SH3RF3: variants seen among roughly 807,000 people sequenced by gnomAD.
SH3RF3 encodes the protein SH3 domain containing ring finger 3.
A neutral mutation model predicts 66.3 loss-of-function variants in SH3RF3; 29 were observed. The observed-to-expected ratio is 0.44, with a 90% CI of 0.33 to 0.60. The LOEUF (loss-of-function observed/expected upper bound fraction) is 0.60, where lower values mean the gene tolerates loss of function less well. SH3RF3 is among the 20% of genes least tolerant of loss of function. The pLI is 0.04. For synonymous variants in SH3RF3, 583 were observed against 532.0 expected, an observed-to-expected ratio of 1.10 and a Z score of -1.32; for missense variants, 1,194 against 1,190.9, an observed-to-expected ratio of 1.00 and a Z score of -0.04.
At chr2:109,452,890 A>AGGAGGCTGGTCCCG (rs1193354148) in intron 8 of SH3RF3, among the ~76,000 whole-genome samples, 1 of 94,686 alleles carries the variant, frequency 1.1e-5, no homozygotes, top group Admixed American at 1.0e-4. Context: ...GGCTGGTCCC[A>AGGAGGCTGGTCCCG]GGAGGCTGGT....
chr2:109,494,587 G>A (rs191462696), intron 9 of SH3RF3, among the ~76,000 whole-genome samples: 26 of 152,302 alleles, frequency 1.7e-4, no homozygotes, highest in African/African-American at 6.0e-4. Flanking sequence ...CTGCTGGGCT[G>A]CGCCCTGTGC....
intron 4 of SH3RF3, among the ~76,000 whole-genome samples, chr2:109,400,499 A>G (rs1460051335): frequency 6.6e-6 from 1 of 152,028 alleles, no homozygotes; most frequent in East Asian, 1.9e-4. Context: ...AGGTGCATTT[A>G]CACATACACC....
intron 1 of SH3RF3, chr2:109,251,302 C>T (rs568037228): frequency 2.0e-5 from 8 of 404,510 alleles, no homozygotes; most frequent in South Asian, 8.7e-5. Flanking sequence ...CCACCATGCC[C>T]GGCCCAAATT....
chr2:109,194,806 A>G (rs1678457626), intron 1 of SH3RF3, among the ~76,000 whole-genome samples: 1 of 152,256 alleles, frequency 6.6e-6, no homozygotes, highest in South Asian at 2.1e-4. Flanking sequence ...CAAAATTCAC[A>G]GGACGAAAAG....
intron 5 of SH3RF3, among the ~76,000 whole-genome samples, chr2:109,428,903 C>T (rs532562487): frequency 1.3e-5 from 2 of 152,070 alleles, no homozygotes; most frequent in Admixed American, 1.3e-4. Flanking sequence ...AGGTGCTGCC[C>T]GGTTCTCCCT....
chr2:109,133,892 T>A (rs1676756138), intron 1 of SH3RF3, among the ~76,000 whole-genome samples: 1 of 152,196 alleles, frequency 6.6e-6, no homozygotes, highest in African/African-American at 2.4e-5. Flanking sequence ...GGCCCAGCCT[T>A]GCCAGGCTGT....
intron 1 of SH3RF3, among the ~76,000 whole-genome samples, chr2:109,276,620 A>G (rs1056700403): frequency 6.6e-6 from 1 of 152,226 alleles, no homozygotes; most frequent in African/African-American, 2.4e-5. Flanking sequence ...TTGTTTTGCC[A>G]TGGTGCTTTG....
intron 1 of SH3RF3, among the ~76,000 whole-genome samples, chr2:109,167,564 T>G (rs1478157625): frequency 6.6e-6 from 1 of 152,152 alleles, no homozygotes; most frequent in Non-Finnish European, 1.5e-5. Flanking sequence ...TTTATTTAAT[T>G]CATTTATTTA....
At position 109,432,481 on chromosome 2, in the gene SH3RF3, G is replaced by T; in HGVS notation, c.1404-20G>T. 2.5e-6 allele frequency: 4 copies of T among 1,612,138 alleles called. No individual in the cohort carries two copies. The highest frequency in any genetic ancestry group is 2.2e-5 in the South Asian group (2 of 90,568). ...CCCAGGAGGGCTCCCACTGACACTG[G>T]CCCCATGCTTTGCCCGCAGGTACCT... On this transcript the variant is annotated intron_variant, in intron 5 of 9. Transcript: ENST00000309415.
At chr2:109,145,513 G>C (rs1677073456) in intron 1 of SH3RF3, among the ~76,000 whole-genome samples, 1 of 152,202 alleles carries the variant, frequency 6.6e-6, no homozygotes, top group Non-Finnish European at 1.5e-5. Context: ...AGGCTGCAGA[G>C]AAGCCCTCAT....
chr2:109,277,542 C>T (rs183390757), intron 1 of SH3RF3, among the ~76,000 whole-genome samples: 7 of 152,284 alleles, frequency 4.6e-5, no homozygotes, highest in Middle Eastern at 3.4e-3. Flanking sequence ...GGCGCTGGTC[C>T]GTTGAAAGTG....
intron 1 of SH3RF3, among the ~76,000 whole-genome samples, chr2:109,167,630 G>A (rs889515630): frequency 7.9e-5 from 12 of 152,144 alleles, no homozygotes; most frequent in African/African-American, 2.7e-4. Context: ...GGAGTGCAGC[G>A]GCACGATCTC....
intron 3 of SH3RF3, among the ~76,000 whole-genome samples, chr2:109,389,834 T>C (rs977450728): frequency 2.0e-5 from 3 of 152,062 alleles, no homozygotes; most frequent in African/African-American, 7.3e-5. Flanking sequence ...GGGGGTGCAC[T>C]GTCAGAGAAC....
At chr2:109,494,657 C>T (rs908016529) in intron 9 of SH3RF3, among the ~76,000 whole-genome samples, 8 of 152,200 alleles carry the variant, frequency 5.3e-5, no homozygotes, top group Non-Finnish European at 1.2e-4. Context: ...TCCTGGAGGG[C>T]CTCAGGTGTG....
chr2:109,488,955 C>A (rs145096174), intron 8 of SH3RF3, among the ~76,000 whole-genome samples: 1 of 152,210 alleles, frequency 6.6e-6, no homozygotes, highest in Admixed American at 6.5e-5. Flanking sequence ...TGGGCCGCCT[C>A]TTCCTCCTGA....
chr2:109,196,198 C>T (rs925241556), intron 1 of SH3RF3, among the ~76,000 whole-genome samples: 3 of 152,192 alleles, frequency 2.0e-5, no homozygotes, highest in African/African-American at 4.8e-5. Context: ...AGGCCTTGTC[C>T]ACCCTTGAGG....
chr2:109,417,363 T>C (rs902887944), intron 4 of SH3RF3, among the ~76,000 whole-genome samples: 1 of 152,178 alleles, frequency 6.6e-6, no homozygotes, highest in Non-Finnish European at 1.5e-5. Flanking sequence ...CTGGCATTGT[T>C]GGGGACACCT....
At chr2:109,446,374 T>TC (rs1424967581) in intron 7 of SH3RF3, among the ~76,000 whole-genome samples, 1 of 152,130 alleles carries the variant, frequency 6.6e-6, no homozygotes, top group Non-Finnish European at 1.5e-5. Context: ...AGCAGCCATG[T>TC]CCCCACCTCA....
intron 1 of SH3RF3, among the ~76,000 whole-genome samples, chr2:109,283,201 C>T (rs1045661701): frequency 7.9e-5 from 12 of 152,140 alleles, no homozygotes; most frequent in East Asian, 1.9e-4. Context: ...TGCCTCTGTT[C>T]GCTCCCTCCA....
Sources: allele counts gnomAD v4.1 joint callset (sites outside exome capture counted in the v4.1 genomes callset), GRCh38; gene constraint gnomAD v4.1.1; transcripts MANE v1.5; gene names NCBI Gene and HGNC (gene_info 2026-07-23, HGNC 2026-07-21).